Variants in FLT3 observed in about 807,000 individuals in gnomAD.
The protein encoded by FLT3 is fms related receptor tyrosine kinase 3.
A neutral mutation model predicts 126.6 loss-of-function variants in FLT3; 46 were observed. The observed-to-expected ratio is 0.36, with a 90% CI of 0.29 to 0.46. The LOEUF is 0.46. Ranked by LOEUF, FLT3 falls within the 20% of genes least tolerant of loss-of-function variation. FLT3 has a pLI of 1.00. For synonymous variants in FLT3, 404 were observed against 434.4 expected, an observed-to-expected ratio of 0.93 and a Z score of 0.87; for missense variants, 1,069 against 1,190.3, an observed-to-expected ratio of 0.90 and a Z score of 1.50.
At chr13:28,041,816 T>C (rs565356884) in intron 9 of FLT3, among the ~76,000 whole-genome samples, 16 of 152,246 alleles carry the variant, frequency 1.1e-4, no homozygotes, top group African/African-American at 2.6e-4. Context: ...AGTAAAACAA[T>C]ACCTCGGTGT....
At chr13:28,091,209 T>TTTTTTTTA (rs1879017531) in intron 1 of FLT3, among the ~76,000 whole-genome samples, 1 of 68,832 alleles carries the variant, frequency 1.5e-5, no homozygotes. Flanking sequence ...CCCATTTTCT[T>TTTTTTTTA]TTTTTTTTTT....
chr13:28,027,026 A>C, intron 17 of FLT3, 62 bp downstream of exon 17: 1 of 1,450,636 alleles, frequency 6.9e-7, no homozygotes, highest in Non-Finnish European at 9.6e-7. Flanking sequence ...AGTGTGTTTG[A>C]ACAGCACACT....
chr13:28,095,345 G>A (rs753685651), intron 1 of FLT3, among the ~76,000 whole-genome samples: 29 of 151,876 alleles, frequency 1.9e-4, no homozygotes, highest in African/African-American at 3.9e-4. Flanking sequence ...GCATGATCTC[G>A]GCTCACTGCA....
intron 19 of FLT3, 133 bp downstream of exon 19, chr13:28,023,217 G>T: frequency 1.1e-6 from 1 of 886,522 alleles, no homozygotes; most frequent in Non-Finnish European, 1.7e-6. Context: ...TAACACGCTA[G>T]GTGACTCCAA....
chr13:28,018,657 T>C (rs1872108492), intron 19 of FLT3, 68 bp from the exon 20 acceptor site: 1 of 1,547,380 alleles, frequency 6.5e-7, no homozygotes. Context: ...ATCTTTCTTC[T>C]AGACTCAACT....
At chr13:28,068,964 T>C (rs1490774939) in intron 2 of FLT3, among the ~76,000 whole-genome samples, 1 of 152,042 alleles carries the variant, frequency 6.6e-6, no homozygotes, top group Admixed American at 6.6e-5. Context: ...GGGGTAGGAA[T>C]AGCACAAGAG....
At chr13:28,034,980 G>A (rs1873700549) in intron 12 of FLT3, among the ~76,000 whole-genome samples, 1 of 151,972 alleles carries the variant, frequency 6.6e-6, no homozygotes, top group Non-Finnish European at 1.5e-5. Flanking sequence ...CCTACAGGAT[G>A]TACAAGTCAG....
At chr13:28,016,836 C>T (rs141134158) in intron 20 of FLT3, among the ~76,000 whole-genome samples, 121 of 152,210 alleles carry the variant, frequency 7.9e-4, no homozygotes, top group African/African-American at 2.8e-3. Context: ...AGGAGTAGAT[C>T]GTAAATCAGC....
Position 28,032,531 on chromosome 13 carries a change from G to C in FLT3, c.1942+1356C>G, listed in dbSNP as rs1028099197. ...GGCCTGAAGTGGGAGGATGGCTTGA[G>C]CCTGGGAAGTGGAGGTTGCAGTGAG... On this transcript the variant is annotated intron_variant, in intron 15 of 23. Transcript: ENST00000241453. Among the ~76,000 whole-genome samples, 5 of 152,206 alleles carry C rather than the reference G, an allele frequency of 3.3e-5. No individual in the cohort carries two copies. The East Asian group carries it at 7.7e-4, about 24-fold the overall frequency.
At chr13:28,061,634 G>A (rs1275327803) in intron 3 of FLT3, among the ~76,000 whole-genome samples, 1 of 151,854 alleles carries the variant, frequency 6.6e-6, no homozygotes, top group African/African-American at 2.4e-5. Context: ...GCTGGGTGTG[G>A]TGGCACGCGC....
intron 17 of FLT3, among the ~76,000 whole-genome samples, chr13:28,026,855 C>T (rs555438137): frequency 5.5e-4 from 84 of 152,292 alleles, no homozygotes; most frequent in African/African-American, 2.0e-3. Flanking sequence ...TGGTGTGATG[C>T]AGGCATGGGT....
chr13:28,027,967 C>T (rs769915962), intron 16 of FLT3, among the ~76,000 whole-genome samples: 21 of 152,120 alleles, frequency 1.4e-4, no homozygotes, highest in Non-Finnish European at 2.9e-4. Context: ...CAATATATCA[C>T]GATAAAGCAG....
intron 23 of FLT3, among the ~76,000 whole-genome samples, chr13:28,006,377 G>A (rs1338926648): frequency 2.0e-5 from 3 of 151,582 alleles, no homozygotes; most frequent in Admixed American, 1.3e-4. Flanking sequence ...TGTGAACCAG[G>A]TGTTGCACAA....
intron 17 of FLT3, among the ~76,000 whole-genome samples, chr13:28,026,643 TC>T (rs1291151431): frequency 4.5e-4 from 68 of 152,300 alleles, no homozygotes; most frequent in African/African-American, 1.6e-3. Context: ...CCATCACGTG[TC>T]GATCAATCCA....
At chr13:28,080,087 G>A (rs539242370) in intron 1 of FLT3, among the ~76,000 whole-genome samples, 2 of 152,118 alleles carry the variant, frequency 1.3e-5, no homozygotes, top group East Asian at 1.9e-4. Context: ...TAAAACACTG[G>A]GGATCTGGCC....
At chr13:28,054,493 G>A (rs1041171853) in intron 4 of FLT3, among the ~76,000 whole-genome samples, 6 of 151,790 alleles carry the variant, frequency 4.0e-5, no homozygotes, top group South Asian at 4.2e-4. Context: ...AGGGTGAGGC[G>A]GGAGGATCGC....
Position 28,030,846 on chromosome 13 carries a change from G to A in FLT3, c.1943-2558C>T, listed in dbSNP as rs372568173. 1.2e-4 allele frequency among the ~76,000 whole-genome samples: 19 copies of A among 152,244 alleles called. No individual in the cohort carries two copies. The East Asian group carries it at 1.3e-3, about 11-fold the overall frequency. The stretch of plus-strand genomic sequence containing the variant: ...TTGAGCCCAGGACTTGAAGCTTGCC[G>A]TGAGCTATGATGACTTCACTGCACT... On this transcript the variant is annotated intron_variant, in intron 15 of 23. Coordinates refer to ENST00000241453, the MANE Select transcript of FLT3 (RefSeq NM_004119.3).
chr13:28,015,509 G>A, intron 21 of FLT3, 81 bp downstream of exon 21: 4 of 772,656 alleles, frequency 5.2e-6, no homozygotes, highest in Admixed American at 2.1e-5. Flanking sequence ...CATCAGTGTT[G>A]GGGGGAGGGG....
chr13:28,007,293 C>T (rs1870991805), intron 23 of FLT3, among the ~76,000 whole-genome samples: 1 of 152,162 alleles, frequency 6.6e-6, no homozygotes, highest in Non-Finnish European at 1.5e-5. Flanking sequence ...GTCACTCAGG[C>T]TGGAGTACAG....
Sources: allele counts gnomAD v4.1 joint callset (sites outside exome capture counted in the v4.1 genomes callset), GRCh38; gene constraint gnomAD v4.1.1; transcripts MANE v1.5; gene names NCBI Gene and HGNC (gene_info 2026-07-23, HGNC 2026-07-21).